Variants in SMYD3 observed in about 807,000 individuals in gnomAD.
The protein encoded by SMYD3 is histone-lysine N-methyltransferase SMYD3.
Under a neutral mutation model 57.7 loss-of-function variants are expected in SMYD3, and 36 were observed. The ratio of observed to expected loss-of-function variants is 0.62; its 90% CI spans 0.48 to 0.82. The LOEUF (loss-of-function observed/expected upper bound fraction) is 0.82. Ranked by LOEUF, SMYD3 falls within the 40% of genes least tolerant of loss-of-function variation. The pLI, the probability that SMYD3 is intolerant of heterozygous loss-of-function variation, is 0.00. For synonymous variants in SMYD3, 211 were observed against 195.0 expected (o/e 1.08, Z -0.68); for missense variants, 515 against 538.8 (o/e 0.96, Z 0.44).
intron 10 of SMYD3, among the ~76,000 whole-genome samples, chr1:245,831,578 A>T (rs936501649): frequency 1.1e-4 from 17 of 152,192 alleles, no homozygotes; most frequent in African/African-American, 3.9e-4. Flanking sequence ...CATCACTCAC[A>T]CAAAGGTTGT....
rs200324170 is a variant in SMYD3, at chr1:246,379,109, CACACAT to C, written c.165-24021_165-24016del. Reference sequence around the variant, plus strand: ...ACACACACACACACACACACACACACACACATATATTCCATTACTTCTGTCCCTCTG... The same window carrying C: ...ACACACACACACACACACACACACACATATTCCATTACTTCTGTCCCTCTG... On this transcript the variant is annotated intron_variant, in intron 1 of 11. Transcript: ENST00000490107. 6.5e-3 allele frequency among the ~76,000 whole-genome samples: 852 copies of C among 131,176 alleles called. 8 individuals are homozygous for C. Among genetic ancestry groups the C allele is most frequent in the African/African-American group, 0.021 (791 of 36,828 alleles). 86.1% of individuals were successfully genotyped at this position (131,176 alleles called of 152,430 possible).
At chr1:245,930,000 G>A in intron 5 of SMYD3, 63 bp from the exon 6 acceptor site, 1 of 1,468,118 alleles carries the variant, frequency 6.8e-7, no homozygotes, top group Middle Eastern at 1.7e-4. Context: ...ATAGCCAAGA[G>A]AATAAAAAAC....
chr1:246,142,819 C>T (rs1268503386), intron 5 of SMYD3, among the ~76,000 whole-genome samples: 1 of 152,138 alleles, frequency 6.6e-6, no homozygotes, highest in African/African-American at 2.4e-5. Context: ...CTTTTCTGGA[C>T]ACCTACAAAC....
At chr1:245,995,717 C>T (rs774558997) in intron 5 of SMYD3, among the ~76,000 whole-genome samples, 3 of 152,182 alleles carry the variant, frequency 2.0e-5, no homozygotes, top group African/African-American at 4.8e-5. Flanking sequence ...GGCCTAGGCC[C>T]CAGTTCTAAG....
intron 5 of SMYD3, among the ~76,000 whole-genome samples, chr1:245,982,241 C>A (rs1380826962): frequency 2.0e-5 from 3 of 152,160 alleles, no homozygotes; most frequent in Admixed American, 6.5e-5. Flanking sequence ...CTTAAGTGAT[C>A]CTCTGGTCTC....
At chr1:246,250,100 T>A (rs1470682545) in intron 5 of SMYD3, among the ~76,000 whole-genome samples, 1 of 152,228 alleles carries the variant, frequency 6.6e-6, no homozygotes, top group African/African-American at 2.4e-5. Context: ...CTATAAAATC[T>A]AAAACTCAAA....
At chr1:246,426,739 GT>G (rs2103003984) in intron 1 of SMYD3, among the ~76,000 whole-genome samples, 1 of 152,170 alleles carries the variant, frequency 6.6e-6, no homozygotes, top group East Asian at 1.9e-4. Flanking sequence ...TATTCTTAGT[GT>G]CTTCCTAATA....
intron 10 of SMYD3, among the ~76,000 whole-genome samples, chr1:245,789,102 G>A (rs566646689): frequency 3.3e-5 from 5 of 152,260 alleles, no homozygotes; most frequent in South Asian, 2.1e-4. Flanking sequence ...TTGGAGTCCC[G>A]GATGCTTGCG....
intron 1 of SMYD3, among the ~76,000 whole-genome samples, chr1:246,493,013 T>C (rs1403856302): frequency 6.6e-6 from 1 of 152,244 alleles, no homozygotes; most frequent in Non-Finnish European, 1.5e-5. Flanking sequence ...AAGAATTTTC[T>C]AAAGTTGATT....
intron 7 of SMYD3, among the ~76,000 whole-genome samples, chr1:245,923,638 T>A (rs1476496277): frequency 6.6e-6 from 1 of 152,208 alleles, no homozygotes. Flanking sequence ...ACTCCATGGA[T>A]CCTTTCAGAG....
At chr1:246,166,449 GT>G (rs1460208748) in intron 5 of SMYD3, among the ~76,000 whole-genome samples, 1 of 152,160 alleles carries the variant, frequency 6.6e-6, no homozygotes, top group Non-Finnish European at 1.5e-5. Flanking sequence ...CCTACTCACT[GT>G]GTGAAAAAGC....
intron 5 of SMYD3, among the ~76,000 whole-genome samples, chr1:246,199,925 C>T (rs2062884116): frequency 1.3e-5 from 2 of 152,172 alleles, no homozygotes; most frequent in South Asian, 2.1e-4. Context: ...CAAGAATGTA[C>T]ACAGATGTCC....
At chr1:245,773,090 T>TAAA (rs34679948) in intron 10 of SMYD3, among the ~76,000 whole-genome samples, 6 of 86,248 alleles carry the variant, frequency 7.0e-5, no homozygotes, top group East Asian at 5.9e-4. Context: ...GGAGAATCAC[T>TAAA]AAAAAAAAAA....
chr1:246,263,471 T>C (rs1176761803), intron 5 of SMYD3, among the ~76,000 whole-genome samples: 3 of 152,212 alleles, frequency 2.0e-5, no homozygotes, highest in Non-Finnish European at 4.4e-5. Context: ...GACTACATAA[T>C]GATCACCTTC....
At chr1:246,001,540 A>C (rs77422948) in intron 5 of SMYD3, among the ~76,000 whole-genome samples, 2 of 147,198 alleles carry the variant, frequency 1.4e-5, no homozygotes, top group Non-Finnish European at 1.5e-5. Context: ...CACCCTTGCC[A>C]AAATCTAAGA....
At chr1:245,914,653 A>C (rs769090640) in intron 8 of SMYD3, among the ~76,000 whole-genome samples, 35 of 152,302 alleles carry the variant, frequency 2.3e-4, no homozygotes, top group Non-Finnish European at 4.7e-4. Context: ...ACACAAACTT[A>C]GGAGGAACGA....
At chr1:245,753,730 C>A (rs1246095524) in intron 11 of SMYD3, among the ~76,000 whole-genome samples, 11 of 152,216 alleles carry the variant, frequency 7.2e-5, no homozygotes, top group Admixed American at 5.9e-4. Flanking sequence ...CCTCACATTA[C>A]CATCCCCCAA....
chr1:246,129,729 C>T (rs964454241), intron 5 of SMYD3, among the ~76,000 whole-genome samples: 3 of 152,154 alleles, frequency 2.0e-5, no homozygotes, highest in African/African-American at 7.2e-5. Context: ...GTTCACGTAA[C>T]ATGAATAATT....
chr1:245,908,298 G>T (rs2148634482), intron 8 of SMYD3, among the ~76,000 whole-genome samples: 1 of 152,258 alleles, frequency 6.6e-6, no homozygotes, highest in East Asian at 1.9e-4. Context: ...TCAGCGATAG[G>T]ATATAACCAT....
Sources: allele counts gnomAD v4.1 joint callset (sites outside exome capture counted in the v4.1 genomes callset), GRCh38; gene constraint gnomAD v4.1.1; transcripts MANE v1.5; gene names NCBI Gene and HGNC (gene_info 2026-07-23, HGNC 2026-07-21).